PAM: variants seen among roughly 807,000 people sequenced by gnomAD.
PAM encodes the protein peptidylglycine alpha-amidating monooxygenase.
A neutral mutation model predicts 122.1 loss-of-function variants in PAM; 72 were observed. The ratio of observed to expected loss-of-function variants is 0.59; its 90% CI spans 0.49 to 0.72. PAM has a LOEUF of 0.72. PAM is among the 30% of genes least tolerant of loss of function. The pLI, the probability that PAM is intolerant of heterozygous loss-of-function variation, is 0.00. For missense variants in PAM, 1,106 were observed against 1,183.7 expected, an observed-to-expected ratio of 0.93 and a Z score of 0.96; for synonymous variants, 389 against 404.4, an observed-to-expected ratio of 0.96 and a Z score of 0.46.
intron 20 of PAM, among the ~76,000 whole-genome samples, chr5:103,009,281 G>C (rs891729660): frequency 2.0e-5 from 3 of 152,020 alleles, no homozygotes; most frequent in Non-Finnish European, 4.4e-5. Context: ...TTTAAAATCA[G>C]ATTGTTCTAT....
At chr5:102,834,525 G>T (rs954664740) in intron 1 of PAM, among the ~76,000 whole-genome samples, 1 of 152,134 alleles carries the variant, frequency 6.6e-6, no homozygotes, top group Non-Finnish European at 1.5e-5. Flanking sequence ...CAATAGAGGG[G>T]GAGTTGGGAT....
At chr5:102,879,701 C>A (rs925690419) in intron 3 of PAM, among the ~76,000 whole-genome samples, 1 of 152,182 alleles carries the variant, frequency 6.6e-6, no homozygotes, top group African/African-American at 2.4e-5. Flanking sequence ...GCCAATTAAA[C>A]CTCTTTTCTT....
At chr5:102,969,400 A>G (rs1351005781) in intron 14 of PAM, among the ~76,000 whole-genome samples, 4 of 152,160 alleles carry the variant, frequency 2.6e-5, no homozygotes, top group Non-Finnish European at 5.9e-5. Context: ...TCAATCACAC[A>G]TCAGTTCCGT....
At chr5:102,828,460 C>T (rs956511261) in intron 1 of PAM, among the ~76,000 whole-genome samples, 1 of 152,108 alleles carries the variant, frequency 6.6e-6, no homozygotes, top group African/African-American at 2.4e-5. Context: ...TGTGTCTGTG[C>T]TATAGGGACC....
intron 5 of PAM, among the ~76,000 whole-genome samples, chr5:102,916,370 C>T (rs1803087578): frequency 6.6e-6 from 1 of 152,062 alleles, no homozygotes; most frequent in Non-Finnish European, 1.5e-5. Context: ...CTTAATAACA[C>T]TATACCCATA....
intron 15 of PAM, among the ~76,000 whole-genome samples, chr5:102,977,739 A>C (rs1768214017): frequency 6.6e-6 from 1 of 151,672 alleles, no homozygotes; most frequent in Admixed American, 6.6e-5. Context: ...TATGTGGCCA[A>C]AATCAAATTT....
At chr5:102,909,165 T>C (rs1800624307) in intron 4 of PAM, among the ~76,000 whole-genome samples, 1 of 151,754 alleles carries the variant, frequency 6.6e-6, no homozygotes, top group South Asian at 2.1e-4. Flanking sequence ...ATATTAAATA[T>C]GGCTTGAAAA....
At chr5:103,019,705 T>G in intron 22 of PAM, 85 bp from the exon 23 acceptor site, 1 of 860,754 alleles carries the variant, frequency 1.2e-6, no homozygotes, top group Non-Finnish European at 2.0e-6. Flanking sequence ...TATTTTCTAC[T>G]GAGTAAAATT....
In PAM at chr5:102,916,798, TCTC is replaced by T. The variant is rs200906018; in HGVS notation, c.356+2778_356+2780del. ...CCCAGGTTCTAGTGCAGTGGTGCGATCTCAGCTCACTGCAACCTCCACCTCCTG... is the reference window on the plus strand; with the variant it reads ...CCCAGGTTCTAGTGCAGTGGTGCGATAGCTCACTGCAACCTCCACCTCCTG... On this transcript the variant is annotated intron_variant, in intron 5 of 25. Coordinates refer to ENST00000438793, the MANE Select transcript of PAM (RefSeq NM_001177306.2). Among the ~76,000 whole-genome samples, 42 of 150,780 alleles carry T rather than the reference TCTC, an allele frequency of 2.8e-4. 1 individual carries two copies. In the East Asian group the frequency reaches 7.4e-3, roughly 27 times the overall value.
intron 1 of PAM, among the ~76,000 whole-genome samples, chr5:102,831,423 G>C (rs1410719915): frequency 1.7e-5 from 2 of 121,024 alleles, no homozygotes; most frequent in Non-Finnish European, 3.4e-5. Context: ...TCATTATCGA[G>C]CTCTTTTTTT....
In PAM at chr5:102,827,891, TTAGCCAGGATGG is replaced by T. The variant is rs1471016290; in HGVS notation, c.-373-37930_-373-37919del. 4.0e-5 allele frequency among the ~76,000 whole-genome samples: 6 copies of T among 150,768 alleles called. 2 individuals are homozygous for T. The highest frequency in any genetic ancestry group is 3.4e-3 in the Middle Eastern group (1 of 292). On this transcript the variant is annotated intron_variant, in intron 1 of 25. Transcript: ENST00000438793. ...TTAGTAGAGACGGGGTTTCACCTTG[TTAGCCAGGATGG>T]TGAAGCTCACTATGATTTTAGCATT...
rs1038990803 is a variant in PAM, at chr5:102,891,796, A to G, written c.211-9560A>G. 2.6e-5 allele frequency among the ~76,000 whole-genome samples: 4 copies of G among 151,884 alleles called. No homozygotes were observed. The South Asian group carries it at 6.2e-4, about 24-fold the overall frequency. On this transcript the variant is annotated intron_variant, in intron 3 of 25. Transcript: ENST00000438793. ...GATGAGTATATTTAATTGATGATAG[A>G]TGAAAAGACAAGGATTTCAAAAATT...
intron 3 of PAM, among the ~76,000 whole-genome samples, chr5:102,893,530 G>T (rs1457549849): frequency 6.6e-6 from 1 of 151,770 alleles, no homozygotes; most frequent in African/African-American, 2.4e-5. Context: ...TAAATATGCT[G>T]AAGTCTGTTG....
intron 1 of PAM, among the ~76,000 whole-genome samples, chr5:102,765,098 C>G (rs1753488625): frequency 6.6e-6 from 1 of 152,174 alleles, no homozygotes; most frequent in South Asian, 2.1e-4. Flanking sequence ...CACAGAACCC[C>G]TCAGCCTACT....
At chr5:102,772,943 A>G (rs1756207812) in intron 1 of PAM, among the ~76,000 whole-genome samples, 1 of 152,120 alleles carries the variant, frequency 6.6e-6, no homozygotes, top group African/African-American at 2.4e-5. Flanking sequence ...TTGAAATAAT[A>G]TGTCATATAC....
chr5:102,985,082 C>G (rs902960810), intron 15 of PAM, among the ~76,000 whole-genome samples: 3 of 151,638 alleles, frequency 2.0e-5, no homozygotes, highest in African/African-American at 7.3e-5. Context: ...ATAGCAAAAG[C>G]AGTGCTAAGA....
At chr5:103,017,558 CAG>C in intron 22 of PAM, 125 bp downstream of exon 22, 1 of 667,494 alleles carries the variant, frequency 1.5e-6, no homozygotes, top group South Asian at 2.1e-5. Flanking sequence ...AAGTATAAAG[CAG>C]TTGTTAAAAG....
Position 102,793,994 on chromosome 5 carries a change from T to C in PAM, c.-374+38646T>C, listed in dbSNP as rs73774897. On this transcript the variant is annotated intron_variant, in intron 1 of 25. Coordinates refer to ENST00000438793, the MANE Select transcript of PAM (RefSeq NM_001177306.2). ...GACCATATTTATATAACTACTTATCTTTTTATTTGGTAGATTTAAGTAAAA... is the reference window on the plus strand; with the variant it reads ...GACCATATTTATATAACTACTTATCCTTTTATTTGGTAGATTTAAGTAAAA... Among the ~76,000 whole-genome samples the C allele has an allele frequency of 4.5e-3, 683 of 152,328 alleles. 28 individuals carry two copies. The South Asian group carries it at 0.093, about 21-fold the overall frequency.
intron 5 of PAM, among the ~76,000 whole-genome samples, chr5:102,924,433 C>CAAA (rs989089756): frequency 1.3e-4 from 7 of 52,160 alleles, no homozygotes; most frequent in African/African-American, 2.4e-4. Context: ...AACTCCGTCT[C>CAAA]AAAAAAAAAA....
Sources: allele counts gnomAD v4.1 joint callset (sites outside exome capture counted in the v4.1 genomes callset), GRCh38; gene constraint gnomAD v4.1.1; transcripts MANE v1.5; gene names NCBI Gene and HGNC (gene_info 2026-07-23, HGNC 2026-07-21).